Variants in ANKRD30A observed in about 807,000 individuals in gnomAD.
The protein encoded by ANKRD30A is ankyrin repeat domain-containing protein 30A.
In ANKRD30A, 170 loss-of-function variants were observed where a neutral mutation model predicts 166.3. The observed-to-expected ratio is 1.02, with a 90% CI of 0.90 to 1.16. The LOEUF (loss-of-function observed/expected upper bound fraction) is 1.16. ANKRD30A is among the 50% of genes most tolerant of loss of function. ANKRD30A has a pLI of 0.00. For synonymous variants in ANKRD30A, 564 were observed against 508.9 expected, an observed-to-expected ratio of 1.11 and a Z score of -1.46; for missense variants, 1,630 against 1,518.0, an observed-to-expected ratio of 1.07 and a Z score of -1.23.
intron 24 of ANKRD30A, chr10:37,178,730 A>T: frequency 1.6e-6 from 1 of 628,192 alleles, no homozygotes; most frequent in Non-Finnish European, 2.0e-6. Context: ...TAATTTTAAC[A>T]GGTGTCGAAT....
rs774402571 is a variant in ANKRD30A at position 37,219,325 on chromosome 10, G to A, written c.3613G>A (p.Ala1205Thr). The change falls in exon 34 of 36, where the codon GCT becomes ACT. Residue 1205 changes from alanine (A) to threonine (T), a missense_variant. Around this residue, in one of 4 missense-constraint regions of ANKRD30A, gnomAD observed 712 missense variants for 629.3 expected, o/e 1.13. Transcript: ENST00000361713. ...ATCACACCATCCTAGACTGGCTTCT[G>A]CTGTACAAGACCATGATCAAATTGT... is the stretch of plus-strand genomic sequence containing the variant. ...IESHHPRLASAVQDHDQIVTS... is the reference protein window; with the variant it reads ...IESHHPRLASTVQDHDQIVTS... The A allele has an allele frequency of 6.2e-7, 1 of 1,610,286 alleles. No individual in the cohort carries two copies. The highest frequency in any genetic ancestry group is 1.1e-5 in the South Asian group (1 of 90,978).
Position 37,192,177 on chromosome 10 carries a change from C to G in ANKRD30A, c.2513-887C>G, listed in dbSNP as rs553301810. On this transcript the variant is annotated intron_variant, in intron 25 of 35. Transcript: ENST00000361713. Reference sequence around the variant, plus strand: ...TCAGGCACCCAAGTAGCTGAGATTACAGGCCTGTGCCACCATACCTGGCTG... The same window carrying G: ...TCAGGCACCCAAGTAGCTGAGATTAGAGGCCTGTGCCACCATACCTGGCTG... Among the ~76,000 whole-genome samples, 14 of 152,112 alleles carry G rather than the reference C, an allele frequency of 9.2e-5. 1 individual carries two copies. Among genetic ancestry groups the G allele is most frequent in the African/African-American group, 3.4e-4 (14 of 41,456 alleles).
At chr10:37,156,077 TCAAAAAAAAAAAAAAA>T (rs1838359455) in intron 13 of ANKRD30A, among the ~76,000 whole-genome samples, 1 of 134,716 alleles carries the variant, frequency 7.4e-6, no homozygotes, top group Non-Finnish European at 1.6e-5. Context: ...TGATACGCTA[TCAAAAAAAAAAAAAAA>T]TCATAGTGTG....
chr10:37,165,188 G>A (rs1464868294), intron 18 of ANKRD30A, 33 bp downstream of exon 18: 1 of 1,551,478 alleles, frequency 6.4e-7, no homozygotes, highest in Non-Finnish European at 8.9e-7. Flanking sequence ...TTAAATATTA[G>A]TATTGCATGA....
intron 31 of ANKRD30A, among the ~76,000 whole-genome samples, chr10:37,204,424 G>T (rs1417213350): frequency 6.6e-6 from 1 of 152,128 alleles, no homozygotes; most frequent in Non-Finnish European, 1.5e-5. Context: ...TATGTAGAAA[G>T]CTGAAACTGG....
rs145054228 is a variant in ANKRD30A at position 37,220,401 on chromosome 10, G to A, written c.4185+504G>A. Among the ~76,000 whole-genome samples the A allele has an allele frequency of 2.0e-3, 309 of 151,032 alleles. 1 individual carries two copies. The highest frequency in any genetic ancestry group is 5.6e-3 in the Admixed American group (85 of 15,076). ...GTGTATTTGAAGTATACATTTCTGC[G>A]TCTTGTAATAATACTTTTTTTCAGT... On this transcript the variant is annotated intron_variant, in intron 34 of 35. Transcript: ENST00000361713.
At chr10:37,199,834 T>G in intron 30 of ANKRD30A, 46 bp downstream of exon 30, 1 of 1,197,456 alleles carries the variant, frequency 8.4e-7, no homozygotes, top group South Asian at 1.3e-5. Context: ...TTGCATGATA[T>G]GAAAACATAA....
the ANKRD30A span, among the ~76,000 whole-genome samples, chr10:37,243,682 A>G: frequency 2.0e-5 from 3 of 152,148 alleles, no homozygotes; most frequent in Non-Finnish European, 4.4e-5. Context: ...GACATAAATA[A>G]GAGTGACATT....
chr10:37,138,111 C>A (rs1476985685), intron 6 of ANKRD30A, among the ~76,000 whole-genome samples: 1 of 152,266 alleles, frequency 6.6e-6, no homozygotes, highest in Admixed American at 6.5e-5. Flanking sequence ...GATACCCAGG[C>A]AAACAGGGTC....
intron 25 of ANKRD30A, among the ~76,000 whole-genome samples, chr10:37,192,696 T>C (rs972184319): frequency 5.3e-5 from 8 of 152,008 alleles, no homozygotes; most frequent in Non-Finnish European, 1.2e-4. Flanking sequence ...GCTTAGTCAT[T>C]TATTCTGTTT....
intron 8 of ANKRD30A, among the ~76,000 whole-genome samples, chr10:37,145,867 G>A (rs774651365): frequency 9.9e-5 from 15 of 152,280 alleles, no homozygotes; most frequent in Non-Finnish European, 1.6e-4. Flanking sequence ...GAACATTTCA[G>A]GAGACAAACA....
At chr10:37,226,007 A>G (rs1325139729) in intron 34 of ANKRD30A, among the ~76,000 whole-genome samples, 1 of 151,566 alleles carries the variant, frequency 6.6e-6, no homozygotes, top group Non-Finnish European at 1.5e-5. Context: ...GTGTTTGTAT[A>G]TATTTGTCTG....
At chr10:37,148,033 A>C (rs1837635167) in intron 9 of ANKRD30A, among the ~76,000 whole-genome samples, 1 of 131,258 alleles carries the variant, frequency 7.6e-6, no homozygotes, top group South Asian at 2.5e-4. Context: ...ATAGGTGTGC[A>C]TCTATAAAAT....
chr10:37,254,969 A>G, the ANKRD30A span, among the ~76,000 whole-genome samples: 2 of 152,074 alleles, frequency 1.3e-5, no homozygotes, highest in African/African-American at 4.8e-5. Context: ...GGTGTGAGCC[A>G]CTGCGCCCGG....
At chr10:37,132,135 C>T (rs1338356086) in intron 3 of ANKRD30A, 105 bp from the exon 4 acceptor site, 5 of 739,864 alleles carry the variant, frequency 6.8e-6, no homozygotes, top group Non-Finnish European at 1.0e-5. Context: ...TATTGATTTA[C>T]TTTCTATTTT....
At chr10:37,252,445 T>G in the ANKRD30A span, among the ~76,000 whole-genome samples, 3 of 152,202 alleles carry the variant, frequency 2.0e-5, no homozygotes, top group African/African-American at 7.2e-5. Context: ...AAATAAAACT[T>G]AGTGGTACCT....
At chr10:37,239,055 T>C in the ANKRD30A span, among the ~76,000 whole-genome samples, 2 of 152,140 alleles carry the variant, frequency 1.3e-5, no homozygotes, top group Admixed American at 1.3e-4. Context: ...TCAGACCTTG[T>C]TGGCATACGG....
chr10:37,183,602 T>A (rs1381052109), intron 24 of ANKRD30A, among the ~76,000 whole-genome samples: 1 of 147,134 alleles, frequency 6.8e-6, no homozygotes. Context: ...CACTGTGCTC[T>A]CTTTTTCCCT....
intron 1 of ANKRD30A, among the ~76,000 whole-genome samples, chr10:37,129,088 C>T (rs1370855551): frequency 6.6e-6 from 1 of 152,028 alleles, no homozygotes; most frequent in Non-Finnish European, 1.5e-5. Context: ...AATTTGTTGT[C>T]TTTATTTCAA....
Sources: allele counts gnomAD v4.1 joint callset (sites outside exome capture counted in the v4.1 genomes callset), GRCh38; gene constraint gnomAD v4.1.1; regional missense constraint gnomAD v4.1.1; transcripts MANE v1.5; gene names NCBI Gene and HGNC (gene_info 2026-07-23, HGNC 2026-07-21).